The following NEK10 variants were observed in gnomAD, a reference collection of about 807,000 sequenced individuals.
NEK10 encodes NIMA related kinase 10.
In NEK10, 122 loss-of-function variants were observed where a neutral mutation model predicts 159.8. The observed-to-expected ratio is 0.76, with a 90% CI of 0.66 to 0.89. NEK10 has a LOEUF of 0.89. Among genes scored for constraint, NEK10 ranks in the 40% least tolerant of loss-of-function variants. The pLI, the probability that NEK10 is intolerant of heterozygous loss-of-function variation, is 0.00. For synonymous variants in NEK10, 466 were observed against 457.1 expected (o/e 1.02, Z -0.25); for missense variants, 1,342 against 1,323.1 (o/e 1.01, Z -0.22).
chr3:27,266,205 A>G (rs2040879363), intron 22 of NEK10, among the ~76,000 whole-genome samples: 1 of 152,196 alleles, frequency 6.6e-6, no homozygotes, highest in Non-Finnish European at 1.5e-5. Flanking sequence ...AGTCAAATTT[A>G]TTAGTTTATT....
At chr3:27,350,856 G>GA (rs2047919773) in intron 3 of NEK10, among the ~76,000 whole-genome samples, 1 of 151,750 alleles carries the variant, frequency 6.6e-6, no homozygotes, top group Non-Finnish European at 1.5e-5. Flanking sequence ...TTTGGTTTTG[G>GA]TTTTTTTTGT....
intron 11 of NEK10, among the ~76,000 whole-genome samples, chr3:27,306,398 T>C (rs574300862): frequency 1.0e-3 from 159 of 152,282 alleles, no homozygotes; most frequent in African/African-American, 3.5e-3. Context: ...CCCTCCCAAA[T>C]TTTGTGCTCT....
chr3:27,287,885 G>A (rs1189582743), intron 19 of NEK10, 142 bp from the exon 20 acceptor site: 8 of 953,124 alleles, frequency 8.4e-6, no homozygotes, highest in South Asian at 5.1e-5. Context: ...AGATATCATC[G>A]AACTGAGATT....
At chr3:27,233,397 A>G (rs969681524) in intron 23 of NEK10, among the ~76,000 whole-genome samples, 1 of 151,796 alleles carries the variant, frequency 6.6e-6, no homozygotes, top group African/African-American at 2.4e-5. Flanking sequence ...TAAAAAATCC[A>G]AAACAATAGA....
In NEK10 at chr3:27,344,337, T is replaced by G; in HGVS notation, c.297A>C (p.Lys99Asn). 6.3e-7 allele frequency: 1 copy of G among 1,592,932 alleles called. No homozygotes were observed. The highest frequency in any genetic ancestry group is 2.2e-5 in the East Asian group (1 of 44,700). Residue 99 changes from lysine to asparagine, a missense_variant, in exon 5 of 36, where the codon AAA (lysine) becomes AAC (asparagine). Lys to Asn is a moderately conservative substitution (Grantham distance 94). Coordinates refer to ENST00000691995, the MANE Select transcript of NEK10 (RefSeq NM_001394966.1). ...INYKNERNFSKHPQRKLFQEI... is the reference protein window; with the variant it reads ...INYKNERNFSNHPQRKLFQEI... ...CCTGAAATAGTTTACGCTGAGGATG[T>G]TTGCTGAAATTTCTCTCATTCTTGT... is the stretch of plus-strand genomic sequence containing the variant.
chr3:27,124,550 A>C (rs1475151079), intron 32 of NEK10, among the ~76,000 whole-genome samples: 2 of 152,360 alleles, frequency 1.3e-5, no homozygotes, highest in East Asian at 3.9e-4. Flanking sequence ...AGAAACAGCT[A>C]TTAAGTGGCA....
At chr3:27,294,834 G>C (rs551621) in intron 15 of NEK10, among the ~76,000 whole-genome samples, 60,556 of 151,720 alleles carry the variant, frequency 0.4, 15,754 homozygotes, top group African/African-American at 0.75. Flanking sequence ...TTGACATTAG[G>C]GCCACTGCCC....
intron 23 of NEK10, among the ~76,000 whole-genome samples, chr3:27,214,145 C>T (rs1268272174): frequency 1.3e-5 from 2 of 152,178 alleles, no homozygotes; most frequent in Non-Finnish European, 2.9e-5. Flanking sequence ...TGAATCCCAC[C>T]CACGCCACTT....
intron 23 of NEK10, among the ~76,000 whole-genome samples, chr3:27,208,841 C>T (rs1167403589): frequency 3.3e-5 from 5 of 152,200 alleles, no homozygotes; most frequent in Non-Finnish European, 7.4e-5. Flanking sequence ...AGAGCATGTG[C>T]TGTCTATAAG....
rs1034939462 is a variant in NEK10 at position 27,322,281 on chromosome 3, G to C, written c.363-20C>G. The stretch of plus-strand genomic sequence containing the variant: ...CACTCTCTGAAAGAAGAAAACAAGA[G>C]AACATGTTCACGTTTAAAATCCCAG... On this transcript the variant is annotated intron_variant, in intron 5 of 35. Transcript: ENST00000691995. 7.0e-7 allele frequency: 1 copy of C among 1,420,746 alleles called. No homozygotes were observed. Among genetic ancestry groups the C allele is most frequent in the Middle Eastern group, 1.7e-4 (1 of 5,744 alleles). 88.0% of individuals were successfully genotyped at this position (1,420,746 alleles called of 1,614,324 possible).
At chr3:27,271,298 ACTAGATGG>A (rs1264028832) in intron 22 of NEK10, among the ~76,000 whole-genome samples, 4 of 152,114 alleles carry the variant, frequency 2.6e-5, no homozygotes, top group Non-Finnish European at 5.9e-5. Context: ...CTATTCACAA[ACTAGATGG>A]CTTGCTATCT....
intron 5 of NEK10, among the ~76,000 whole-genome samples, chr3:27,328,422 A>T (rs569736341): frequency 2.0e-5 from 3 of 152,346 alleles, no homozygotes; most frequent in Non-Finnish European, 4.4e-5. Context: ...TAAGATTAGC[A>T]TCTGAGTTAT....
At chr3:27,207,910 T>C (rs1950659086) in intron 23 of NEK10, among the ~76,000 whole-genome samples, 1 of 152,216 alleles carries the variant, frequency 6.6e-6, no homozygotes, top group South Asian at 2.1e-4. Context: ...TAATTAAGTC[T>C]GTGTGCCAGT....
At chr3:27,158,283 T>C (rs1945694350) in intron 30 of NEK10, among the ~76,000 whole-genome samples, 1 of 152,170 alleles carries the variant, frequency 6.6e-6, no homozygotes, top group Non-Finnish European at 1.5e-5. Flanking sequence ...GACTAAAACC[T>C]GTGAGCAAAT....
intron 13 of NEK10, among the ~76,000 whole-genome samples, chr3:27,297,653 G>C (rs563368193): frequency 6.6e-6 from 1 of 152,310 alleles, no homozygotes; most frequent in African/African-American, 2.4e-5. Flanking sequence ...CTTATAATAA[G>C]AGTATGCACT....
intron 23 of NEK10, among the ~76,000 whole-genome samples, chr3:27,209,514 T>C (rs1035133429): frequency 6.6e-6 from 1 of 152,238 alleles, no homozygotes; most frequent in African/African-American, 2.4e-5. Context: ...ATTTAAAAGC[T>C]CTTTAAAATA....
At chr3:27,253,050 G>T in intron 23 of NEK10, 1 of 365,370 alleles carries the variant, frequency 2.7e-6, no homozygotes, top group Non-Finnish European at 5.4e-6. Context: ...CAGTTAATAG[G>T]CATGCTTCAC....
rs1180079771 is a variant in NEK10, at chr3:27,108,553, T to A, written c.*2719A>T. Among the ~76,000 whole-genome samples the A allele has an allele frequency of 6.6e-6, 1 of 152,240 alleles. No homozygotes were observed. Among genetic ancestry groups the A allele is most frequent in the Non-Finnish European group, 1.5e-5 (1 of 68,042 alleles). ...TCAAAAGTAATCTGAAAAGACTGAT[T>A]CATATTCTATTCCATGCAAATATTC... is the stretch of plus-strand genomic sequence containing the variant. On this transcript the variant is annotated 3_prime_UTR_variant, in exon 36 of 36. Transcript: ENST00000691995.
At chr3:27,228,497 C>T (rs1952870400) in intron 23 of NEK10, among the ~76,000 whole-genome samples, 2 of 152,012 alleles carry the variant, frequency 1.3e-5, no homozygotes, top group Non-Finnish European at 2.9e-5. Context: ...TGGCAATTAG[C>T]ACATTCTGCT....
Sources: allele counts gnomAD v4.1 joint callset (sites outside exome capture counted in the v4.1 genomes callset), GRCh38; gene constraint gnomAD v4.1.1; transcripts MANE v1.5; gene names NCBI Gene and HGNC (gene_info 2026-07-23, HGNC 2026-07-21).